Variants in ZNF280D observed in about 807,000 individuals in gnomAD.
ZNF280D encodes suppressor of hairy wing homolog 4.
In ZNF280D, 39 loss-of-function variants were observed where a neutral mutation model predicts 94.7. The observed-to-expected ratio is 0.41, with a 90% confidence interval of 0.32 to 0.54. ZNF280D has a LOEUF of 0.54. Among genes scored for constraint, ZNF280D ranks in the 20% least tolerant of loss-of-function variants. The pLI is 0.22. For synonymous variants in ZNF280D, 398 were observed against 377.6 expected (o/e 1.05, Z -0.63); for missense variants, 1,090 against 1,149.3 (o/e 0.95, Z 0.75).
chr15:56,675,972 T>C (rs2055203375), intron 13 of ZNF280D, among the ~76,000 whole-genome samples: 1 of 151,560 alleles, frequency 6.6e-6, no homozygotes, highest in Non-Finnish European at 1.5e-5. Context: ...AAATAAAAGA[T>C]GGTTTAATTG....
chr15:56,723,344 A>G (rs935327152), intron 1 of ZNF280D, among the ~76,000 whole-genome samples: 3 of 152,196 alleles, frequency 2.0e-5, no homozygotes, highest in Admixed American at 6.5e-5. Context: ...ACAACATGAA[A>G]CTTTGAAAGT....
At chr15:56,676,293 T>C (rs2055227880) in intron 13 of ZNF280D, among the ~76,000 whole-genome samples, 1 of 147,254 alleles carries the variant, frequency 6.8e-6, no homozygotes, top group Admixed American at 6.6e-5. Flanking sequence ...CCTCAGTCTT[T>C]TCTTCCTCAG....
rs117862767 is a variant in ZNF280D, at chr15:56,702,434, A to G, written c.176-1196T>C. 2.4e-4 allele frequency among the ~76,000 whole-genome samples: 36 copies of G among 152,276 alleles called. 2 individuals carry two copies. In the East Asian group the frequency reaches 4.8e-3, roughly 20 times the overall value. ...ATAAAACAACAATAAAACCATTTAA[A>G]TTATTCACCTTAACACTGTAGAAAA... On this transcript the variant is annotated intron_variant, in intron 4 of 21. Coordinates refer to ENST00000267807, the MANE Select transcript of ZNF280D (RefSeq NM_017661.4).
chr15:56,720,265 T>C (rs547991947), intron 1 of ZNF280D, among the ~76,000 whole-genome samples: 5 of 152,328 alleles, frequency 3.3e-5, no homozygotes, highest in African/African-American at 1.2e-4. Flanking sequence ...TCACCAGGAA[T>C]AGGTTCCATC....
intron 19 of ZNF280D, among the ~76,000 whole-genome samples, chr15:56,646,783 C>G (rs1231961628): frequency 1.3e-5 from 2 of 152,116 alleles, no homozygotes; most frequent in Non-Finnish European, 2.9e-5. Context: ...GTTCAGAGAC[C>G]TAAGCCACTA....
At chr15:56,702,910 A>AACACACACACACACAC (rs59095987) in intron 4 of ZNF280D, among the ~76,000 whole-genome samples, 1 of 135,684 alleles carries the variant, frequency 7.4e-6, no homozygotes, top group African/African-American at 2.7e-5. Context: ...ATGGTAAGTA[A>AACACACACACACACAC]ACACACACAC....
intron 20 of ZNF280D, among the ~76,000 whole-genome samples, chr15:56,639,789 G>C (rs540035114): frequency 1.6e-4 from 25 of 152,226 alleles, no homozygotes; most frequent in Admixed American, 1.6e-3. Context: ...AAAATGATGA[G>C]TAAGCCAAGA....
At chr15:56,669,888 TTATATATATATATAATA>T (rs1367284516) in intron 13 of ZNF280D, among the ~76,000 whole-genome samples, 2 of 4,764 alleles carry the variant, frequency 4.2e-4, no homozygotes, top group Non-Finnish European at 9.3e-4. Context: ...TATATATATA[TTATATATATATATAATA>T]TATATATATT....
At chr15:56,692,962 T>C (rs2056511812) in intron 7 of ZNF280D, 136 bp downstream of exon 7, 1 of 520,366 alleles carries the variant, frequency 1.9e-6, no homozygotes, top group African/African-American at 2.0e-5. Context: ...GGTATTCAAG[T>C]ACTAGTGACG....
chr15:56,700,968 C>A lies in ZNF280D; in HGVS notation c.346G>T (p.Asp116Tyr). The change falls in exon 6 of 22, where the codon GAT becomes TAT. Residue 116 changes from aspartate to tyrosine, a missense_variant. Asp to Tyr is a radical substitution (Grantham distance 160). Coordinates refer to ENST00000267807, the MANE Select transcript of ZNF280D (RefSeq NM_017661.4). ...AAAGGCTGAACAATAACAGAACTAT[C>A]TGAAGATCTAGACTCAGGATGAAAA... ...INFHPESRSS[D>Y]SSVIVQPFSK... The A allele has an allele frequency of 6.2e-7, 1 of 1,613,906 alleles. No homozygotes were observed.
intron 6 of ZNF280D, chr15:56,698,530 ACTCTAAAGTGGC>A (rs1241311140): frequency 2.0e-5 from 3 of 152,254 alleles, no homozygotes; most frequent in Non-Finnish European, 2.9e-5. Context: ...TGGCAGACAG[ACTCTAAAGTGGC>A]CTCCATGTAA....
intron 4 of ZNF280D, among the ~76,000 whole-genome samples, chr15:56,703,390 C>G (rs1332488742): frequency 1.3e-5 from 2 of 152,206 alleles, no homozygotes; most frequent in Non-Finnish European, 2.9e-5. Flanking sequence ...ACCACCTATA[C>G]ATTTTGTAGC....
At chr15:56,691,684 T>C (rs1342030647) in intron 7 of ZNF280D, among the ~76,000 whole-genome samples, 1 of 152,138 alleles carries the variant, frequency 6.6e-6, no homozygotes, top group African/African-American at 2.4e-5. Context: ...CCCTAGATGG[T>C]AGTGTGTTAA....
chr15:56,666,009 A>C (rs1348074127), intron 16 of ZNF280D, among the ~76,000 whole-genome samples: 1 of 151,922 alleles, frequency 6.6e-6, no homozygotes, highest in African/African-American at 2.4e-5. Context: ...GGTGGCTCAC[A>C]CCTGTTGTCC....
At chr15:56,677,146 C>G (rs1454624547) in intron 12 of ZNF280D, among the ~76,000 whole-genome samples, 1 of 152,198 alleles carries the variant, frequency 6.6e-6, no homozygotes, top group African/African-American at 2.4e-5. Flanking sequence ...CTACATGAAA[C>G]AGCATTCTCC....
chr15:56,723,186 A>T (rs1486692531), intron 1 of ZNF280D, among the ~76,000 whole-genome samples: 3 of 152,048 alleles, frequency 2.0e-5, no homozygotes, highest in African/African-American at 7.2e-5. Flanking sequence ...TATGTAACTA[A>T]CCTGCACAAT....
At chr15:56,687,700 ATCAGAAATC>A (rs2056122936) in intron 9 of ZNF280D, among the ~76,000 whole-genome samples, 1 of 152,180 alleles carries the variant, frequency 6.6e-6, no homozygotes, top group African/African-American at 2.4e-5. Context: ...CACAAAAAAC[ATCAGAAATC>A]TCATCAAAAC....
In ZNF280D at chr15:56,674,568, A is replaced by G. The variant is rs2055087323; in HGVS notation, c.1410+2102T>C. On this transcript the variant is annotated intron_variant, in intron 13 of 21. Transcript: ENST00000267807. ...AGCTTGGATGCTAAGTCAAATTTTG[A>G]CTCTGCCTTTATTAGACAATGTGAC... Among the ~76,000 whole-genome samples the G allele has an allele frequency of 3.3e-5, 5 of 151,950 alleles. No homozygotes were observed. In the South Asian group the frequency reaches 8.3e-4, roughly 25 times the overall value.
At chr15:56,732,094 C>G (rs554233829) in intron 1 of ZNF280D, among the ~76,000 whole-genome samples, 117 of 152,302 alleles carry the variant, frequency 7.7e-4, no homozygotes, top group African/African-American at 2.6e-3. Context: ...TCATCTACCT[C>G]ATTCCCACAA....
Sources: allele counts gnomAD v4.1 joint callset (sites outside exome capture counted in the v4.1 genomes callset), GRCh38; gene constraint gnomAD v4.1.1; transcripts MANE v1.5; gene names NCBI Gene and HGNC (gene_info 2026-07-23, HGNC 2026-07-21).